The following ERG variants were observed in gnomAD, a reference collection of about 807,000 sequenced individuals.
ERG encodes ETS transcription factor ERG, also known as transcriptional regulator ERG.
In ERG, 9 loss-of-function variants were observed where a neutral mutation model predicts 55.3. The ratio of observed to expected loss-of-function variants is 0.16; its 90% CI spans 0.10 to 0.28. ERG has a LOEUF of 0.28. Ranked by LOEUF, ERG falls within the 10% of genes least tolerant of loss-of-function variation. ERG has a pLI of 1.00. For missense variants in ERG, 434 were observed against 631.6 expected (o/e 0.69, Z 3.35); for synonymous variants, 223 against 237.3 (o/e 0.94, Z 0.55).
intron 3 of ERG, among the ~76,000 whole-genome samples, chr21:38,409,254 C>T (rs113671769): frequency 0.027 from 4,171 of 152,026 alleles, 199 homozygotes; most frequent in African/African-American, 0.094. Flanking sequence ...GAGGCCAAGG[C>T]GGGTGGATCA....
intron 1 of ERG, among the ~76,000 whole-genome samples, chr21:38,476,145 G>A (rs547080705): frequency 2.4e-4 from 36 of 152,212 alleles, no homozygotes; most frequent in African/African-American, 8.7e-4. Context: ...ACAGGGCTCC[G>A]TGTGGCAGCA....
At chr21:38,588,573 C>G (rs1375689546), upstream of ERG, among the ~76,000 whole-genome samples, 1 of 152,132 alleles carries the variant, frequency 6.6e-6, no homozygotes, top group Non-Finnish European at 1.5e-5. Flanking sequence ...TATGCTGACC[C>G]ACTAGCAGCC....
At chr21:38,587,422 G>T (rs944074365), upstream of ERG, among the ~76,000 whole-genome samples, 409 of 150,654 alleles carry the variant, frequency 2.7e-3, 1 homozygote, top group African/African-American at 9.6e-3. Context: ...GCAGTGGCAC[G>T]ATCTTGGCTC....
At position 38,445,490 on chromosome 21, in the gene ERG, G is replaced by T. The variant is rs1308168878; in HGVS notation, c.150C>A (p.Arg50=). 1 of 1,614,130 alleles carries T rather than the reference G, an allele frequency of 6.2e-7. No individual in the cohort carries two copies. The highest frequency in any genetic ancestry group is 1.1e-5 in the South Asian group (1 of 91,080). Residue 50 remains arginine, a synonymous_variant, in exon 2 of 10, where the codon CGC becomes CGA. Coordinates refer to ENST00000288319, the MANE Select transcript of ERG (RefSeq NM_182918.4). ...DYGQTSKMSP[R]VPQQDWLSQP... is the part of the protein sequence containing the mutation. ...GAGACAGCCAATCCTGCTGAGGGAC[G>T]CGTGGGCTCATCTTGGAAGTCTGTC...
chr21:38,636,029 AG>A (rs2146963473), intron 1 of ERG, among the ~76,000 whole-genome samples: 1 of 152,250 alleles, frequency 6.6e-6, no homozygotes, highest in East Asian at 1.9e-4. Context: ...GGACCAGGGC[AG>A]GTAACTGAAT....
At chr21:38,536,571 G>A (rs1264771429) in intron 2 of ERG, among the ~76,000 whole-genome samples, 1 of 152,172 alleles carries the variant, frequency 6.6e-6, no homozygotes, top group African/African-American at 2.4e-5. Flanking sequence ...TAAACTTAGA[G>A]GCAACAGACC....
At chr21:38,370,727 A>G in the ERG span, among the ~76,000 whole-genome samples, 1 of 152,068 alleles carries the variant, frequency 6.6e-6, no homozygotes, top group Non-Finnish European at 1.5e-5. Context: ...TATATCAAGT[A>G]TGCATATCTG....
chr21:38,497,151 G>GAGAAATA (rs1428514673), intron 1 of ERG, among the ~76,000 whole-genome samples: 1 of 152,190 alleles, frequency 6.6e-6, no homozygotes, highest in Non-Finnish European at 1.5e-5. Flanking sequence ...AACACACCTT[G>GAGAAATA]AGAAATAAAA....
At chr21:38,566,809 C>T (rs2059925799) in intron 2 of ERG, among the ~76,000 whole-genome samples, 1 of 152,202 alleles carries the variant, frequency 6.6e-6, no homozygotes, top group Non-Finnish European at 1.5e-5. Context: ...TACGCAGAAA[C>T]ACTTCAGGTG....
At chr21:38,479,759 A>C (rs1219154484) in intron 1 of ERG, among the ~76,000 whole-genome samples, 1 of 152,196 alleles carries the variant, frequency 6.6e-6, no homozygotes, top group Non-Finnish European at 1.5e-5. Flanking sequence ...CTAAGCACTT[A>C]CTATCCACTG....
intron 2 of ERG, among the ~76,000 whole-genome samples, chr21:38,522,059 T>A (rs1321400240): frequency 1.3e-5 from 2 of 152,160 alleles, no homozygotes; most frequent in Non-Finnish European, 2.9e-5. Flanking sequence ...CATACAAAAA[T>A]TGAGAATTTT....
chr21:38,525,061 T>C (rs1318094638), intron 2 of ERG, among the ~76,000 whole-genome samples: 1 of 151,742 alleles, frequency 6.6e-6, no homozygotes, highest in African/African-American at 2.4e-5. Context: ...TTGGAAAGAG[T>C]AGGGGTAGAT....
intron 1 of ERG, among the ~76,000 whole-genome samples, chr21:38,614,216 G>A (rs2060245652): frequency 6.6e-6 from 1 of 152,148 alleles, no homozygotes; most frequent in Non-Finnish European, 1.5e-5. Flanking sequence ...GTTTCCATGA[G>A]CCCATAGAAG....
At chr21:38,463,430 G>T (rs894697754) in intron 1 of ERG, among the ~76,000 whole-genome samples, 7 of 152,166 alleles carry the variant, frequency 4.6e-5, no homozygotes, top group Non-Finnish European at 7.3e-5. Context: ...GGGAATACTG[G>T]CTCCATGAGG....
intron 1 of ERG, among the ~76,000 whole-genome samples, chr21:38,479,630 G>A (rs1490256228): frequency 6.6e-6 from 1 of 152,078 alleles, no homozygotes; most frequent in Non-Finnish European, 1.5e-5. Context: ...CTTATCCACG[G>A]GGGACACACT....
chr21:38,402,895 TGGA>T (rs1988574622), intron 4 of ERG, among the ~76,000 whole-genome samples: 1 of 152,106 alleles, frequency 6.6e-6, no homozygotes, highest in African/African-American at 2.4e-5. Context: ...GGCAAAGCAA[TGGA>T]GGAGAATTTA....
chr21:38,375,813 C>G (rs1367471324), downstream of ERG, among the ~76,000 whole-genome samples: 1 of 152,186 alleles, frequency 6.6e-6, no homozygotes, highest in East Asian at 1.9e-4. Flanking sequence ...CATCTCTGGT[C>G]TGTTGTGGGC....
At chr21:38,466,124 G>C (rs548871475) in intron 1 of ERG, among the ~76,000 whole-genome samples, 2 of 152,228 alleles carry the variant, frequency 1.3e-5, no homozygotes, top group East Asian at 1.9e-4. Context: ...CCCAGTACTA[G>C]AGACTTTAAT....
chr21:38,551,702 A>G (rs1181570260), intron 2 of ERG, among the ~76,000 whole-genome samples: 2 of 152,154 alleles, frequency 1.3e-5, no homozygotes, highest in Non-Finnish European at 2.9e-5. Context: ...GTCTGAAAGT[A>G]CGGCTAGTAT....
Sources: gnomAD v4.1 joint callset for allele counts (sites outside exome capture counted in the v4.1 genomes callset) on GRCh38, gnomAD v4.1.1 for gene constraint, MANE v1.5 for transcripts, NCBI Gene and HGNC (gene_info 2026-07-23, HGNC 2026-07-21) for gene names.